Variants in CCDC32 observed in about 807,000 individuals in gnomAD.
CCDC32 encodes the protein coiled-coil domain containing 32, also known as coiled-coil domain-containing protein 32.
CCDC32 carries 9 observed loss-of-function variants against 20.1 expected under a neutral mutation model. The ratio of observed to expected loss-of-function variants is 0.45; its 90% CI spans 0.27 to 0.78. The LOEUF is 0.78. Ranked by LOEUF, CCDC32 falls within the 30% of genes least tolerant of loss-of-function variation. CCDC32 has a pLI of 0.16. For missense variants in CCDC32, 204 were observed against 215.5 expected, an observed-to-expected ratio of 0.95 and a Z score of 0.33; for synonymous variants, 63 against 79.0, an observed-to-expected ratio of 0.80 and a Z score of 1.07.
At chr15:40,531,153 C>T (rs1888862278), downstream of CCDC32, among the ~76,000 whole-genome samples, 1 of 151,220 alleles carries the variant, frequency 6.6e-6, no homozygotes, top group South Asian at 2.1e-4. Context: ...GAATAGTAGA[C>T]ACTGGAGACT....
downstream of CCDC32, among the ~76,000 whole-genome samples, chr15:40,530,525 C>A (rs1248953412): frequency 3.6e-5 from 1 of 27,442 alleles, no homozygotes; most frequent in African/African-American, 1.6e-4. Context: ...AAGAGCCTGG[C>A]ACCTCCTCTC....
At chr15:40,530,218 G>A (rs1888831886), downstream of CCDC32, among the ~76,000 whole-genome samples, 2 of 150,478 alleles carry the variant, frequency 1.3e-5, no homozygotes, top group Admixed American at 6.6e-5. Context: ...ACTTGAACCT[G>A]GGAGGTAGAG....
chr15:40,535,133 T>C (rs1471864528), downstream of CCDC32: 1 of 1,003,256 alleles, frequency 1.0e-6, no homozygotes, highest in Non-Finnish European at 1.5e-6. Context: ...TACAGGTATT[T>C]GATCAGAGCT....
downstream of CCDC32, among the ~76,000 whole-genome samples, chr15:40,524,024 CTG>C (rs1894865926): frequency 1.3e-5 from 2 of 151,788 alleles, no homozygotes; most frequent in South Asian, 4.1e-4. Flanking sequence ...TAGCCAAAAA[CTG>C]GACACAAATA....
intron 3 of CCDC32, 137 bp downstream of exon 3, chr15:40,557,079 C>G: frequency 1.1e-6 from 1 of 944,658 alleles, no homozygotes; most frequent in Non-Finnish European, 1.5e-6. Flanking sequence ...TCTATTCAAT[C>G]TGTGACCAAC....
the CCDC32 span, among the ~76,000 whole-genome samples, chr15:40,521,560 A>G: frequency 6.6e-6 from 1 of 152,212 alleles, no homozygotes; most frequent in Non-Finnish European, 1.5e-5. Flanking sequence ...GCTGCATCAT[A>G]TGACTGTTTT....
chr15:40,531,558 T>G (rs1166537553), downstream of CCDC32: 1 of 152,146 alleles, frequency 6.6e-6, no homozygotes, highest in East Asian at 1.9e-4. Flanking sequence ...TAAATTAATC[T>G]TCATTCCCAC....
rs879726712 is a variant in CCDC32 at position 40,542,854 on chromosome 15, G to GA, written c.402-3500dup. On this transcript the variant is annotated intron_variant, in intron 3 of 3. Coordinates refer to the CCDC32 transcript ENST00000558113. ...GACAGAGCGAGACTTTGTCTCAAAA[G>GA]AAAAAAAAAAAAAAGATGCCTGGCC... Among the ~76,000 whole-genome samples the GA allele has an allele frequency of 2.7e-3, 320 of 116,494 alleles. 1 individual carries two copies. Among genetic ancestry groups the GA allele is most frequent in the South Asian group, 6.0e-3 (22 of 3,656 alleles). The allele number at this position is 116,494 out of a possible 152,430, so 76.4% of individuals were successfully genotyped here. A position where few individuals can be genotyped will look rare whatever the true frequency, so the allele number is the denominator to read the frequency against.
chr15:40,544,967 C>T (rs1216840460), intron 3 of CCDC32, among the ~76,000 whole-genome samples: 1 of 152,196 alleles, frequency 6.6e-6, no homozygotes, highest in Admixed American at 6.5e-5. Context: ...ACCTACTCCT[C>T]TCACTTTTGA....
intron 3 of CCDC32, among the ~76,000 whole-genome samples, chr15:40,539,840 C>CCCCACACA (rs1338607302): frequency 7.4e-6 from 1 of 134,542 alleles, no homozygotes; most frequent in Non-Finnish European, 1.6e-5. Flanking sequence ...CAAACTGTTG[C>CCCCACACA]CACACACACA....
At chr15:40,524,501 C>G (rs758383790), downstream of CCDC32, among the ~76,000 whole-genome samples, 25 of 151,840 alleles carry the variant, frequency 1.6e-4, no homozygotes, top group Admixed American at 5.3e-4. Context: ...TGAAAGAAGC[C>G]AGACACAAAA....
chr15:40,524,893 A>AT (rs1894881802), downstream of CCDC32, among the ~76,000 whole-genome samples: 1 of 151,116 alleles, frequency 6.6e-6, no homozygotes, highest in South Asian at 2.1e-4. Flanking sequence ...TGCCCAGCTA[A>AT]TTTTTTAATT....
In CCDC32 at chr15:40,563,028, C is replaced by A; in HGVS notation, c.-12-1G>T. On this transcript the variant is annotated splice_acceptor_variant, in intron 1 of 3. Coordinates refer to ENST00000416810, the MANE Select transcript of CCDC32 (RefSeq NM_001080792.4). LOFTEE classifies it low-confidence loss of function (5UTR_SPLICE). ...CAAACATTTTCATTTGGAATCTGAG[C>A]TATAAAACAGAAGCTCAAGTGAGTA... 1 of 1,612,792 alleles carries A rather than the reference C, an allele frequency of 6.2e-7. No homozygotes were observed. The highest frequency in any genetic ancestry group is 8.5e-7 in the Non-Finnish European group (1 of 1,179,582).
At chr15:40,554,605 T>G (rs568793984) in intron 3 of CCDC32, among the ~76,000 whole-genome samples, 1 of 151,432 alleles carries the variant, frequency 6.6e-6, no homozygotes, top group African/African-American at 2.4e-5. Flanking sequence ...ACTAAGTGAT[T>G]TTTTTTTTGT....
intron 1 of CCDC32, chr15:40,564,630 A>G (rs1405763181): frequency 8.2e-6 from 10 of 1,223,012 alleles, no homozygotes; most frequent in Non-Finnish European, 1.2e-5. Context: ...CAGGAGACAG[A>G]GCCCAGCCAG....
At chr15:40,523,233 G>A in the CCDC32 span, among the ~76,000 whole-genome samples, 3 of 151,654 alleles carry the variant, frequency 2.0e-5, no homozygotes, top group African/African-American at 4.8e-5. Flanking sequence ...CGCTGGGCGC[G>A]GTGGCTCATG....
chr15:40,549,791 C>T (rs559494604), downstream of CCDC32, among the ~76,000 whole-genome samples: 7 of 152,292 alleles, frequency 4.6e-5, no homozygotes, highest in South Asian at 2.1e-4. Context: ...TTATAACTGA[C>T]GTAGGGCCAA....
chr15:40,524,739 C>CTTTTT (rs758786719), downstream of CCDC32, among the ~76,000 whole-genome samples: 244 of 95,150 alleles, frequency 2.6e-3, 6 homozygotes, highest in African/African-American at 9.1e-3. Flanking sequence ...CTTTTTCTTT[C>CTTTTT]TTTTTTTTTT....
At chr15:40,554,345 C>T (rs1566983307) in intron 3 of CCDC32, among the ~76,000 whole-genome samples, 1 of 152,150 alleles carries the variant, frequency 6.6e-6, no homozygotes, top group Non-Finnish European at 1.5e-5. Context: ...GGCACTTTGA[C>T]TACAGGCAGC....
Sources: allele counts gnomAD v4.1 joint callset (sites outside exome capture counted in the v4.1 genomes callset), GRCh38; gene constraint gnomAD v4.1.1; transcripts MANE v1.5; gene names NCBI Gene and HGNC (gene_info 2026-07-23, HGNC 2026-07-21).